ALG9: variants seen among roughly 807,000 people sequenced by gnomAD.
The protein encoded by ALG9 is alpha-1,2-mannosyltransferase ALG9.
Under a neutral mutation model 81.8 loss-of-function variants are expected in ALG9, and 55 were observed. That is an observed-to-expected ratio of 0.67 (90% confidence interval 0.54 to 0.84). The LOEUF (loss-of-function observed/expected upper bound fraction) is 0.84. Ranked by LOEUF, ALG9 falls within the 40% of genes least tolerant of loss-of-function variation. The pLI, the probability that ALG9 is intolerant of heterozygous loss-of-function variation, is 0.00. For synonymous variants in ALG9, 278 were observed against 274.3 expected (o/e 1.01, Z -0.13); for missense variants, 629 against 745.0 (o/e 0.84, Z 1.81).
At chr11:111,789,398 G>A (rs1438344850) in intron 14 of ALG9, among the ~76,000 whole-genome samples, 1 of 151,128 alleles carries the variant, frequency 6.6e-6, no homozygotes, top group Admixed American at 6.6e-5. Context: ...CTACAGGTGT[G>A]CCTGGCTAAT....
At chr11:111,810,038 C>A (rs190403697) in intron 13 of ALG9, among the ~76,000 whole-genome samples, 35 of 152,238 alleles carry the variant, frequency 2.3e-4, no homozygotes, top group Admixed American at 1.9e-3. Flanking sequence ...ATAAACACTT[C>A]CAAAGCCACC....
chr11:111,838,480 G>A (rs1555120058), intron 10 of ALG9, 81 bp from the exon 11 acceptor site: 9 of 1,275,332 alleles, frequency 7.1e-6, no homozygotes, highest in Non-Finnish European at 6.6e-6. Context: ...CCAAAAAAGA[G>A]GTTCTATTAG....
intron 13 of ALG9, among the ~76,000 whole-genome samples, chr11:111,818,343 C>T (rs1951828773): frequency 6.6e-6 from 1 of 152,136 alleles, no homozygotes; most frequent in South Asian, 2.1e-4. Context: ...GACAGTATAG[C>T]CTATGACACA....
chr11:111,809,782 G>T lies in ALG9; in HGVS notation c.1603-9C>A. ...CATTTACTGATATCAATCTGAAATG[G>T]AGAAAGGCCAACTCTTCATTAGTAA... On this transcript the variant is annotated splice_polypyrimidine_tract_variant and intron_variant, in intron 13 of 14. Transcript: ENST00000616540. 1 of 1,613,772 alleles carries T rather than the reference G, an allele frequency of 6.2e-7. No homozygotes were observed. The highest frequency in any genetic ancestry group is 1.1e-5 in the South Asian group (1 of 91,072).
intron 14 of ALG9, among the ~76,000 whole-genome samples, chr11:111,798,723 T>G (rs1375259745): frequency 1.3e-5 from 2 of 152,204 alleles, no homozygotes; most frequent in Admixed American, 6.5e-5. Flanking sequence ...TAAACCTTTA[T>G]AAAATTAGCC....
the ALG9 span, among the ~76,000 whole-genome samples, chr11:111,770,170 G>T: frequency 6.6e-6 from 1 of 152,168 alleles, no homozygotes; most frequent in Non-Finnish European, 1.5e-5. Flanking sequence ...GAGGCTGACC[G>T]TCTGAATCAC....
intron 8 of ALG9, among the ~76,000 whole-genome samples, chr11:111,849,971 TA>T (rs1555135799): frequency 6.6e-6 from 1 of 152,110 alleles, no homozygotes; most frequent in Non-Finnish European, 1.5e-5. Context: ...CAACATGTAA[TA>T]AAGTGAAAGA....
At chr11:111,778,593 A>T (rs1303432341), downstream of ALG9, among the ~76,000 whole-genome samples, 1 of 152,110 alleles carries the variant, frequency 6.6e-6, no homozygotes, top group Non-Finnish European at 1.5e-5. Flanking sequence ...ACAATTAGAA[A>T]AGGACACCAA....
intron 14 of ALG9, among the ~76,000 whole-genome samples, chr11:111,790,616 A>G (rs1221421364): frequency 6.6e-6 from 1 of 152,252 alleles, no homozygotes; most frequent in African/African-American, 2.4e-5. Flanking sequence ...GAAGATTTGC[A>G]TCTAGACTAT....
chr11:111,769,138 C>G, the ALG9 span: 1 of 101,944 alleles, frequency 9.8e-6, no homozygotes. Context: ...AAAACCCCAT[C>G]TCTAAAAAAA....
chr11:111,773,055 A>G, the ALG9 span, among the ~76,000 whole-genome samples: 3 of 152,006 alleles, frequency 2.0e-5, no homozygotes, highest in African/African-American at 7.2e-5. Context: ...TGGCTAACAT[A>G]GTGAAACTCC....
At chr11:111,840,316 C>T (rs1440892917) in intron 10 of ALG9, among the ~76,000 whole-genome samples, 1 of 152,106 alleles carries the variant, frequency 6.6e-6, no homozygotes, top group Non-Finnish European at 1.5e-5. Context: ...CTGCTGTGAT[C>T]CCAAACTCTT....
At chr11:111,776,693 A>C in the ALG9 span, among the ~76,000 whole-genome samples, 2 of 152,216 alleles carry the variant, frequency 1.3e-5, no homozygotes. Context: ...AGCTCAAAGG[A>C]GGGTATCAGG....
At chr11:111,834,468 C>T (rs1954897037) in intron 13 of ALG9, among the ~76,000 whole-genome samples, 1 of 152,142 alleles carries the variant, frequency 6.6e-6, no homozygotes, top group African/African-American at 2.4e-5. Flanking sequence ...AGCATAAGAA[C>T]ATTGCATTTT....
intron 2 of ALG9, among the ~76,000 whole-genome samples, chr11:111,869,674 C>G (rs1301620368): frequency 6.6e-6 from 1 of 152,214 alleles, no homozygotes; most frequent in Non-Finnish European, 1.5e-5. Context: ...GGTAAATCAT[C>G]CGCTTAGAAT....
Position 111,871,538 on chromosome 11 carries a change from C to CATAG in ALG9, c.-60_-57dup. On this transcript the variant is annotated 5_prime_UTR_variant, in exon 1 of 15. In the 5' UTR this introduces an upstream ATG that the reference lacks. Coordinates refer to ENST00000616540, the MANE Select transcript of ALG9 (RefSeq NM_024740.2). ...CCTATGAAGTCGGTGAGCGCGCAGA[C>CATAG]ATAGCTTTGGCTGGCAAACGGTGTC... is the stretch of plus-strand genomic sequence containing the variant. The CATAG allele has an allele frequency of 6.5e-7, 1 of 1,534,400 alleles. No homozygotes were observed. The highest frequency in any genetic ancestry group is 1.4e-5 in the African/African-American group (1 of 73,084).
At position 111,836,217 on chromosome 11, in the gene ALG9, C is replaced by A. The variant is rs782004306; in HGVS notation, c.1550G>T (p.Arg517Leu). The A allele has an allele frequency of 1.2e-6, 2 of 1,613,922 alleles. No homozygotes were observed. Among genetic ancestry groups the A allele is most frequent in the Non-Finnish European group, 1.7e-6 (2 of 1,179,930 alleles). The change falls in exon 13 of 15, where the codon CGG becomes CTG. Residue 517 changes from arginine (R) to leucine (L), a missense_variant. Physicochemically the swap from Arg to Leu is moderately radical, Grantham distance 102. Around this residue, in one of 3 missense-constraint regions of ALG9, gnomAD observed 264 missense variants for 302.2 expected, o/e 0.87. Transcript: ENST00000616540. ...GTCATTCATGTCAGTAGGAACAATC[C>A]GGGTGGCCAGAGGTCCTTCTGCAAA... ...KPFAEGPLAT[R>L]IVPTDMNDQN...
chr11:111,821,893 G>C lies in ALG9; in HGVS notation c.1603-12120C>G, dbSNP rs557071126. ...TTGTGATCCGCCTGCCTCGGCCTCC[G>C]AAAGTGCTGGGATTACAGGTGTGAG... On this transcript the variant is annotated intron_variant, in intron 13 of 14. Coordinates refer to ENST00000616540, the MANE Select transcript of ALG9 (RefSeq NM_024740.2). 8.2e-3 allele frequency among the ~76,000 whole-genome samples: 1,248 copies of C among 152,070 alleles called. 6 individuals carry two copies. Among genetic ancestry groups the C allele is most frequent in the Middle Eastern group, 0.051 (15 of 294 alleles).
intron 13 of ALG9, among the ~76,000 whole-genome samples, chr11:111,811,826 T>G (rs1033568718): frequency 2.0e-5 from 3 of 152,158 alleles, no homozygotes; most frequent in Non-Finnish European, 4.4e-5. Flanking sequence ...CAGAGGTTAC[T>G]ATGAACTGGG....
Sources: gnomAD v4.1 joint callset for allele counts (sites outside exome capture counted in the v4.1 genomes callset) on GRCh38, gnomAD v4.1.1 for gene constraint, gnomAD v4.1.1 regional missense constraint, MANE v1.5 for transcripts, NCBI Gene and HGNC (gene_info 2026-07-23, HGNC 2026-07-21) for gene names.